Variants in SEMA5A observed in about 807,000 individuals in gnomAD.
SEMA5A encodes the protein semaphorin 5A.
SEMA5A carries 55 observed loss-of-function variants against 135.5 expected under a neutral mutation model. The observed-to-expected ratio is 0.41, with a 90% confidence interval of 0.33 to 0.51. The LOEUF (loss-of-function observed/expected upper bound fraction) is 0.51. Among genes scored for constraint, SEMA5A ranks in the 20% least tolerant of loss-of-function variants. SEMA5A has a pLI of 0.37. For missense variants in SEMA5A, 1,290 were observed against 1,419.9 expected (o/e 0.91, Z 1.47); for synonymous variants, 580 against 546.5 (o/e 1.06, Z -0.85).
Position 9,348,821 on chromosome 5 carries a change from C to T in SEMA5A, c.125-11009G>A, listed in dbSNP as rs978678656. 3.3e-5 allele frequency among the ~76,000 whole-genome samples: 5 copies of T among 152,306 alleles called. No individual in the cohort carries two copies. The East Asian group carries it at 7.7e-4, about 23-fold the overall frequency. On this transcript the variant is annotated intron_variant, in intron 3 of 22. Transcript: ENST00000382496. The stretch of plus-strand genomic sequence containing the variant: ...AAGAAAGCCATTCGCCACCAGATAA[C>T]GACAGAGATTGCAGAGGAACGTGCC...
chr5:9,379,846 T>C lies in SEMA5A; in HGVS notation c.101A>G (p.Glu34Gly). The C allele has an allele frequency of 1.2e-6, 2 of 1,614,002 alleles. No homozygotes were observed. Among genetic ancestry groups the C allele is most frequent in the Non-Finnish European group, 1.7e-6 (2 of 1,179,966 alleles). Residue 34 changes from glutamate to glycine, a missense_variant, in exon 3 of 23, where the codon GAG becomes GGG. Around this residue, in one of 3 missense-constraint regions of SEMA5A, gnomAD observed 116 missense variants for 121.3 expected, o/e 0.96. Coordinates refer to ENST00000382496, the MANE Select transcript of SEMA5A (RefSeq NM_003966.3). ...AQGTTQCQRT[E>G]HPVISYKEIG... ...ACCTTTATAGGAGATGACTGGATGC[T>C]CGGTTCTCTGGCACTGAGTCGTACC...
At chr5:9,056,446 G>T (rs920988515) in intron 18 of SEMA5A, among the ~76,000 whole-genome samples, 10 of 152,194 alleles carry the variant, frequency 6.6e-5, no homozygotes, top group South Asian at 4.1e-4. Flanking sequence ...CAGAGGCCGG[G>T]CATGGTGGCT....
chr5:9,457,611 T>C (rs1249838763), intron 1 of SEMA5A, among the ~76,000 whole-genome samples: 1 of 152,188 alleles, frequency 6.6e-6, no homozygotes, highest in Non-Finnish European at 1.5e-5. Context: ...CCTTGCTTAA[T>C]ATAAAAAATA....
chr5:9,354,194 A>G lies in SEMA5A; in HGVS notation c.125-16382T>C, dbSNP rs138060936. On this transcript the variant is annotated intron_variant, in intron 3 of 22. Coordinates refer to ENST00000382496, the MANE Select transcript of SEMA5A (RefSeq NM_003966.3). ...TTGGTGTATTTTGGCCAATCTCTTCATGCTTTCATTTCAAGGTACTAACCT... is the reference window on the plus strand; with the variant it reads ...TTGGTGTATTTTGGCCAATCTCTTCGTGCTTTCATTTCAAGGTACTAACCT... Among the ~76,000 whole-genome samples, 18 of 152,172 alleles carry G rather than the reference A, an allele frequency of 1.2e-4. No individual in the cohort carries two copies. In the East Asian group the frequency reaches 3.1e-3, roughly 26 times the overall value.
intron 16 of SEMA5A, among the ~76,000 whole-genome samples, chr5:9,105,594 A>C (rs1739868754): frequency 1.3e-5 from 2 of 152,146 alleles, no homozygotes; most frequent in Non-Finnish European, 1.5e-5. Context: ...GAGACTAGGA[A>C]GGAGCACTCA....
At chr5:9,509,360 C>T (rs1163807693) in intron 1 of SEMA5A, among the ~76,000 whole-genome samples, 2 of 152,114 alleles carry the variant, frequency 1.3e-5, no homozygotes, top group African/African-American at 4.8e-5. Flanking sequence ...CTGCAACCTC[C>T]ACCTACCGGG....
intron 11 of SEMA5A, among the ~76,000 whole-genome samples, chr5:9,186,347 T>C (rs1220732711): frequency 6.6e-6 from 1 of 152,182 alleles, no homozygotes; most frequent in African/African-American, 2.4e-5. Context: ...GAAGTCTAGC[T>C]CACATGGATC....
intron 11 of SEMA5A, among the ~76,000 whole-genome samples, chr5:9,188,934 T>C (rs1744949032): frequency 6.6e-6 from 1 of 152,152 alleles, no homozygotes; most frequent in South Asian, 2.1e-4. Flanking sequence ...GTGCTCTTCC[T>C]CCTCTCCAGT....
At chr5:9,137,654 T>C (rs868080489) in intron 12 of SEMA5A, among the ~76,000 whole-genome samples, 8 of 152,092 alleles carry the variant, frequency 5.3e-5, no homozygotes, top group Non-Finnish European at 7.4e-5. Flanking sequence ...AGAGGCAGGA[T>C]AGTACTTACA....
At position 9,207,305 on chromosome 5, in the gene SEMA5A, CCT is replaced by C. The variant is rs1579614795; in HGVS notation, c.647-5067_647-5066del. 6.6e-5 allele frequency among the ~76,000 whole-genome samples: 10 copies of C among 151,882 alleles called. No individual in the cohort carries two copies. The East Asian group carries it at 1.9e-3, about 30-fold the overall frequency. ...GGTTCAAGAGATTCTCCTGCCTCAG[CCT>C]TCCAAGTAGCTGGGATTCCAGGTGT... On this transcript the variant is annotated intron_variant, in intron 8 of 22. Transcript: ENST00000382496.
intron 4 of SEMA5A, among the ~76,000 whole-genome samples, chr5:9,319,190 C>A (rs912111646): frequency 2.0e-4 from 31 of 151,900 alleles, no homozygotes; most frequent in Non-Finnish European, 4.3e-4. Flanking sequence ...GGTGACAGGG[C>A]GAGACCCTGT....
chr5:9,269,198 C>T (rs1749839737), intron 5 of SEMA5A, among the ~76,000 whole-genome samples: 2 of 152,264 alleles, frequency 1.3e-5, no homozygotes, highest in South Asian at 4.1e-4. Context: ...CAACAAATTA[C>T]TGAGACTAGC....
rs1758505202 is a variant in SEMA5A, at chr5:9,448,250, C to T, written c.-174-10398G>A. Among the ~76,000 whole-genome samples the T allele has an allele frequency of 3.3e-5, 5 of 152,304 alleles. No individual in the cohort carries two copies. In the South Asian group the frequency reaches 6.2e-4, roughly 19 times the overall value. ...AATAATCTCAGGAAAGTTCTAAGTTCACCAATTATTAAAGGAGCCAGAGTC... is the reference window on the plus strand; with the variant it reads ...AATAATCTCAGGAAAGTTCTAAGTTTACCAATTATTAAAGGAGCCAGAGTC... On this transcript the variant is annotated intron_variant, in intron 1 of 22. Coordinates refer to ENST00000382496, the MANE Select transcript of SEMA5A (RefSeq NM_003966.3).
chr5:9,382,036 C>T lies in SEMA5A; in HGVS notation c.-77-2013G>A, dbSNP rs1755643743. 3.3e-5 allele frequency among the ~76,000 whole-genome samples: 5 copies of T among 150,276 alleles called. No individual in the cohort carries two copies. In the South Asian group the frequency reaches 1.1e-3, roughly 32 times the overall value. On this transcript the variant is annotated intron_variant, in intron 2 of 22. Coordinates refer to ENST00000382496, the MANE Select transcript of SEMA5A (RefSeq NM_003966.3). Reference sequence around the variant, plus strand: ...CGTGGCCAGGCATGGTGGCTCATGCCTGTAATCCTAGCACTTTGGGAGGCT... The same window carrying T: ...CGTGGCCAGGCATGGTGGCTCATGCTTGTAATCCTAGCACTTTGGGAGGCT...
chr5:9,324,222 C>T lies in SEMA5A; in HGVS notation c.225-5805G>A, dbSNP rs1313808066. 2.0e-5 allele frequency among the ~76,000 whole-genome samples: 3 copies of T among 152,148 alleles called. No individual in the cohort carries two copies. In the South Asian group the frequency reaches 6.2e-4, roughly 32 times the overall value. On this transcript the variant is annotated intron_variant, in intron 4 of 22. Transcript: ENST00000382496. ...TAGCTGGGACTACAGGCGCCCGCCA[C>T]CACACCTGGCTAATTTTTTGTATTT...
chr5:9,346,450 G>A (rs1326389567), intron 3 of SEMA5A, among the ~76,000 whole-genome samples: 1 of 152,214 alleles, frequency 6.6e-6, no homozygotes, highest in African/African-American at 2.4e-5. Flanking sequence ...CTGCTGAGCT[G>A]TTAACATTTA....
At chr5:9,279,744 CCTCT>C (rs372382927) in intron 5 of SEMA5A, among the ~76,000 whole-genome samples, 39 of 151,336 alleles carry the variant, frequency 2.6e-4, no homozygotes, top group Non-Finnish European at 4.1e-4. Context: ...CTTGACTCTC[CCTCT>C]CTCTCTCTCT....
intron 5 of SEMA5A, among the ~76,000 whole-genome samples, chr5:9,297,469 G>A (rs1433479115): frequency 6.6e-6 from 1 of 152,184 alleles, no homozygotes; most frequent in Non-Finnish European, 1.5e-5. Flanking sequence ...CACTATGTGT[G>A]TGCCCTCAGC....
chr5:9,440,244 A>G (rs1758185830), intron 1 of SEMA5A, among the ~76,000 whole-genome samples: 1 of 152,260 alleles, frequency 6.6e-6, no homozygotes, highest in Non-Finnish European at 1.5e-5. Context: ...TAGCCAATGC[A>G]TTAATCATAA....
Sources: allele counts gnomAD v4.1 joint callset (sites outside exome capture counted in the v4.1 genomes callset), GRCh38; gene constraint gnomAD v4.1.1; regional missense constraint gnomAD v4.1.1; transcripts MANE v1.5; gene names NCBI Gene and HGNC (gene_info 2026-07-23, HGNC 2026-07-21).